PPHLN1: variants seen among roughly 807,000 people sequenced by gnomAD.
PPHLN1 encodes the protein periphilin 1.
PPHLN1 carries 29 observed loss-of-function variants against 51.3 expected under a neutral mutation model. That is an observed-to-expected ratio of 0.57 (90% CI 0.42 to 0.77). The LOEUF (loss-of-function observed/expected upper bound fraction) is 0.77, where lower values mean the gene tolerates loss of function less well. Ranked by LOEUF, PPHLN1 falls within the 30% of genes least tolerant of loss-of-function variation. The probability of loss-of-function intolerance (pLI) is 0.00; values close to 1 mark genes in which losing one functional copy is unlikely to be tolerated. For missense variants in PPHLN1, 436 were observed against 438.4 expected (o/e 0.99, Z 0.05); for synonymous variants, 147 against 147.8 (o/e 0.99, Z 0.04).
chr12:42,346,809 CAT>C (rs1026768388), intron 2 of PPHLN1, among the ~76,000 whole-genome samples: 8 of 152,156 alleles, frequency 5.3e-5, no homozygotes, highest in Admixed American at 4.6e-4. Context: ...GGGGATATCT[CAT>C]AGTGGTTTTA....
At position 42,442,071 on chromosome 12, in the gene PPHLN1, T is replaced by C. The variant is rs2083011742; in HGVS notation, c.*562T>C. Reference sequence around the variant, plus strand: ...TCCAAGTAATGAACTCAGTGTCTTCTATTACAATAATCCTGAAACTCCTGA... The same window carrying C: ...TCCAAGTAATGAACTCAGTGTCTTCCATTACAATAATCCTGAAACTCCTGA... On this transcript the variant is annotated 3_prime_UTR_variant, in exon 10 of 10. Coordinates refer to ENST00000358314, the MANE Select transcript of PPHLN1 (RefSeq NM_201439.2). The C allele has an allele frequency of 1.6e-5, 10 of 643,914 alleles. No individual in the cohort carries two copies. The highest frequency in any genetic ancestry group is 1.7e-5 in the Non-Finnish European group (9 of 518,314). 39.9% of individuals were successfully genotyped at this position (643,914 alleles called of 1,614,324 possible).
At chr12:42,337,872 G>GAA (rs2070914603) in intron 2 of PPHLN1, among the ~76,000 whole-genome samples, 2 of 151,040 alleles carry the variant, frequency 1.3e-5, no homozygotes, top group Non-Finnish European at 2.9e-5. Context: ...CAACCTCTGT[G>GAA]TCCTGGATTC....
chr12:42,352,963 C>T (rs964985717), intron 3 of PPHLN1, among the ~76,000 whole-genome samples: 15 of 151,882 alleles, frequency 9.9e-5, no homozygotes, highest in Admixed American at 7.2e-4. Flanking sequence ...GTGGTGGGTG[C>T]CTGTAATCCC....
chr12:42,354,669 T>G (rs1016546611), intron 3 of PPHLN1, among the ~76,000 whole-genome samples: 1 of 152,140 alleles, frequency 6.6e-6, no homozygotes, highest in Non-Finnish European at 1.5e-5. Context: ...TGATATAGAT[T>G]ATCAATAAGT....
At chr12:42,387,971 C>T (rs774566002) in intron 7 of PPHLN1, among the ~76,000 whole-genome samples, 1 of 152,210 alleles carries the variant, frequency 6.6e-6, no homozygotes, top group Non-Finnish European at 1.5e-5. Flanking sequence ...AAAGTCATCG[C>T]CATTCTCTAG....
chr12:42,398,423 C>A (rs1338585776), intron 8 of PPHLN1: 1 of 152,688 alleles, frequency 6.5e-6, no homozygotes, highest in African/African-American at 2.4e-5. Context: ...GTAAACTGAT[C>A]ACTTAAGGAA....
chr12:42,446,713 G>A, downstream of PPHLN1: 2 of 1,480,364 alleles, frequency 1.4e-6, no homozygotes, highest in African/African-American at 1.4e-5. Context: ...TGTAGGAGAT[G>A]GTCAGGTTGG....
rs184315511 is a variant in PPHLN1 at position 42,330,015 on chromosome 12, T to C, written c.-21+3786T>C. 2.0e-5 allele frequency: 3 copies of C among 152,182 alleles called. No individual in the cohort carries two copies. The East Asian group carries it at 5.8e-4, about 29-fold the overall frequency. The allele number at this position is 152,182 out of a possible 1,614,324, so 9.4% of individuals were successfully genotyped here. A position where few individuals can be genotyped will look rare whatever the true frequency, so the allele number is the denominator to read the frequency against. On this transcript the variant is annotated intron_variant, in intron 1 of 9. Transcript: ENST00000358314. ...ATGCGGCAGGAGAACAGGGTGATAG[T>C]GGGGAGAAGGTCAGCAAGAAAACGT...
intron 2 of PPHLN1, among the ~76,000 whole-genome samples, chr12:42,337,421 G>A (rs2070830710): frequency 6.6e-6 from 1 of 151,270 alleles, no homozygotes; most frequent in Non-Finnish European, 1.5e-5. Flanking sequence ...TCAGCTTCCT[G>A]AGTAGCTGGG....
intron 7 of PPHLN1, among the ~76,000 whole-genome samples, chr12:42,392,211 A>T (rs2077788928): frequency 6.6e-6 from 1 of 152,106 alleles, no homozygotes; most frequent in Non-Finnish European, 1.5e-5. Context: ...GTGAGACTGC[A>T]TTCCCCCTCG....
intron 2 of PPHLN1, among the ~76,000 whole-genome samples, chr12:42,338,944 G>A (rs947266351): frequency 2.0e-5 from 3 of 152,198 alleles, no homozygotes; most frequent in African/African-American, 7.2e-5. Flanking sequence ...GGTGATGGAA[G>A]TCTTTAATGA....
intron 9 of PPHLN1, among the ~76,000 whole-genome samples, chr12:42,426,938 G>A (rs1236109239): frequency 6.6e-6 from 1 of 152,200 alleles, no homozygotes; most frequent in Non-Finnish European, 1.5e-5. Context: ...AAATAGCTAA[G>A]CTGCTTCCCG....
intron 2 of PPHLN1, among the ~76,000 whole-genome samples, chr12:42,343,461 T>A (rs1028676155): frequency 6.6e-6 from 1 of 152,250 alleles, no homozygotes; most frequent in Non-Finnish European, 1.5e-5. Context: ...AAACTTGCTT[T>A]ATCATGTATT....
chr12:42,393,869 C>T (rs17091174), intron 8 of PPHLN1, among the ~76,000 whole-genome samples, 180 bp downstream of exon 8: 4,257 of 152,150 alleles, frequency 0.028, 218 homozygotes, highest in African/African-American at 0.097. Context: ...TCAGTAATCA[C>T]GCTTTGTCTG....
At chr12:42,430,883 TAAAC>T (rs894536963) in intron 9 of PPHLN1, among the ~76,000 whole-genome samples, 1 of 152,166 alleles carries the variant, frequency 6.6e-6, no homozygotes, top group Non-Finnish European at 1.5e-5. Context: ...CAACTGAAAT[TAAAC>T]AAAACAAGAT....
At chr12:42,369,168 G>A (rs2075563088) in intron 4 of PPHLN1, among the ~76,000 whole-genome samples, 1 of 152,148 alleles carries the variant, frequency 6.6e-6, no homozygotes, top group South Asian at 2.1e-4. Context: ...ATATTATTTG[G>A]CTTTTGAAAG....
chr12:42,422,790 T>C (rs986630461), intron 9 of PPHLN1, among the ~76,000 whole-genome samples: 6 of 152,240 alleles, frequency 3.9e-5, no homozygotes, highest in Non-Finnish European at 5.9e-5. Flanking sequence ...AATACTGAGT[T>C]GTGTTCCTTA....
At chr12:42,425,038 TTATGTATGTATGTATG>T (rs71435906) in intron 9 of PPHLN1, among the ~76,000 whole-genome samples, 70 of 136,964 alleles carry the variant, frequency 5.1e-4, no homozygotes, top group South Asian at 2.6e-3. Flanking sequence ...TTATTTTATT[TTATGTATGTATGTATG>T]TATGTATGTA....
At chr12:42,417,617 G>A (rs968285722) in intron 9 of PPHLN1, among the ~76,000 whole-genome samples, 11 of 151,910 alleles carry the variant, frequency 7.2e-5, no homozygotes, top group Non-Finnish European at 1.3e-4. Context: ...AGGCAAACCG[G>A]ATTATTTATC....
Sources: gnomAD v4.1 joint callset for allele counts (sites outside exome capture counted in the v4.1 genomes callset) on GRCh38, gnomAD v4.1.1 for gene constraint, MANE v1.5 for transcripts, NCBI Gene and HGNC (gene_info 2026-07-23, HGNC 2026-07-21) for gene names.